The following AGPS variants were observed in gnomAD, a reference collection of about 807,000 sequenced individuals.
AGPS encodes the protein alkyldihydroxyacetonephosphate synthase, peroxisomal.
A neutral mutation model predicts 90.7 loss-of-function variants in AGPS; 26 were observed. That is an observed-to-expected ratio of 0.29 (90% CI 0.21 to 0.40). The LOEUF is 0.40. AGPS is among the 10% of genes least tolerant of loss of function. The pLI is 1.00. For missense variants in AGPS, 540 were observed against 816.1 expected (o/e 0.66, Z 4.12); for synonymous variants, 294 against 285.3 (o/e 1.03, Z -0.31).
intron 8 of AGPS, among the ~76,000 whole-genome samples, chr2:177,455,388 C>G (rs1207457401): frequency 1.3e-5 from 2 of 152,190 alleles, no homozygotes; most frequent in Non-Finnish European, 2.9e-5. Context: ...CAGTGCTCAT[C>G]ACCTGTGTTT....
chr2:177,423,094 T>C lies in AGPS; in HGVS notation c.350+2736T>C, dbSNP rs1234502082. On this transcript the variant is annotated intron_variant, in intron 2 of 19. Transcript: ENST00000264167. ...TCTATTATACTGTGCTTCTGAGTTA[T>C]TTCTGTAGATAACTAAACTCATCCA... Among the ~76,000 whole-genome samples, 2 of 73,816 alleles carry C rather than the reference T, an allele frequency of 2.7e-5. 1 individual carries two copies. Among genetic ancestry groups the C allele is most frequent in the African/African-American group, 7.7e-5 (2 of 26,132 alleles). 48.4% of individuals were successfully genotyped at this position (73,816 alleles called of 152,430 possible).
intron 1 of AGPS, chr2:177,393,494 A>C: frequency 1.0e-6 from 1 of 985,362 alleles, no homozygotes; most frequent in African/African-American, 1.7e-5. Flanking sequence ...TGTGGGGGAA[A>C]CTGGTGGTGC....
At chr2:177,484,804 C>T (rs1214425851) in intron 11 of AGPS, among the ~76,000 whole-genome samples, 1 of 152,168 alleles carries the variant, frequency 6.6e-6, no homozygotes, top group African/African-American at 2.4e-5. Flanking sequence ...ACTTTCTCAT[C>T]CAGGCTGGAG....
chr2:177,488,757 A>G (rs1688167465), intron 11 of AGPS, among the ~76,000 whole-genome samples: 1 of 152,198 alleles, frequency 6.6e-6, no homozygotes, highest in Non-Finnish European at 1.5e-5. Flanking sequence ...GGGCTGTTCC[A>G]GAGTCTACAT....
intron 8 of AGPS, among the ~76,000 whole-genome samples, chr2:177,460,585 CTT>C (rs1274461452): frequency 6.6e-6 from 1 of 152,046 alleles, no homozygotes; most frequent in Non-Finnish European, 1.5e-5. Context: ...CCATGAATGT[CTT>C]TTTTTCTTTT....
intron 12 of AGPS, among the ~76,000 whole-genome samples, chr2:177,495,933 A>C (rs1443830067): frequency 1.3e-5 from 2 of 151,468 alleles, no homozygotes; most frequent in South Asian, 2.1e-4. Context: ...AAAAAAAAAA[A>C]AAAAACAAAC....
chr2:177,488,157 T>G (rs1299545644), intron 11 of AGPS, among the ~76,000 whole-genome samples: 1 of 152,148 alleles, frequency 6.6e-6, no homozygotes, highest in African/African-American at 2.4e-5. Context: ...CATTTTAAGT[T>G]TTTATGTCCA....
chr2:177,491,400 A>G (rs1688254770), intron 11 of AGPS, among the ~76,000 whole-genome samples: 1 of 148,666 alleles, frequency 6.7e-6, no homozygotes. Flanking sequence ...CTGGGACTAC[A>G]GGTGTGTGCC....
chr2:177,539,523 C>T lies in AGPS; in HGVS notation c.*1328C>T, dbSNP rs1207149427. The T allele has an allele frequency of 6.6e-6, 1 of 151,896 alleles. No homozygotes were observed. The highest frequency in any genetic ancestry group is 1.9e-4 in the East Asian group (1 of 5,190). 9.4% of individuals were successfully genotyped at this position (151,896 alleles called of 1,614,324 possible). A position where few individuals can be genotyped will look rare whatever the true frequency, so the allele number is the denominator to read the frequency against. On this transcript the variant is annotated 3_prime_UTR_variant, in exon 20 of 20. Coordinates refer to ENST00000264167, the MANE Select transcript of AGPS (RefSeq NM_003659.4). ...CCTAACTTTTGATAATTTTTTAAAA[C>T]TAATATTTGATCAGATAATGTAAGT...
intron 2 of AGPS, among the ~76,000 whole-genome samples, chr2:177,423,728 G>A (rs1474302222): frequency 6.6e-5 from 10 of 152,168 alleles, no homozygotes; most frequent in African/African-American, 2.4e-4. Flanking sequence ...ATTATTAGAA[G>A]CTATTATAGA....
intron 2 of AGPS, among the ~76,000 whole-genome samples, chr2:177,422,909 C>CAGCCAAACAGTGGCTGAACAGTA (rs372544357): frequency 1.3e-5 from 1 of 77,238 alleles, no homozygotes; most frequent in African/African-American, 3.6e-5. Flanking sequence ...TATTGAGTAT[C>CAGCCAAACAGTGGCTGAACAGTA]TACTGAGTTA....
chr2:177,522,724 G>A (rs1689235275), intron 18 of AGPS, among the ~76,000 whole-genome samples: 1 of 152,160 alleles, frequency 6.6e-6, no homozygotes, highest in Non-Finnish European at 1.5e-5. Flanking sequence ...AAAGTGCTGG[G>A]ATTACAAGCG....
In AGPS at chr2:177,474,015, TA is replaced by T. The variant is rs562267331; in HGVS notation, c.1105+5492del. ...AATTTAAGTCATGATGCCTTCTTAC[TA>T]GTACCTTAGAATTTTGATGTAGAAT... On this transcript the variant is annotated intron_variant, in intron 10 of 19. Transcript: ENST00000264167. 2.3e-3 allele frequency among the ~76,000 whole-genome samples: 358 copies of T among 152,374 alleles called. 2 individuals are homozygous for T. The highest frequency in any genetic ancestry group is 7.6e-3 in the African/African-American group (318 of 41,590).
intron 8 of AGPS, among the ~76,000 whole-genome samples, chr2:177,454,198 G>A (rs1206264785): frequency 1.3e-5 from 2 of 151,140 alleles, no homozygotes; most frequent in South Asian, 4.2e-4. Flanking sequence ...TGACCTTTAG[G>A]GACTCTATTT....
chr2:177,505,850 A>G (rs562050456), intron 15 of AGPS, among the ~76,000 whole-genome samples: 2 of 152,026 alleles, frequency 1.3e-5, no homozygotes, highest in East Asian at 1.9e-4. Flanking sequence ...TGAGCATACC[A>G]TTCATAACAT....
chr2:177,478,863 A>C (rs1295059068), intron 10 of AGPS, among the ~76,000 whole-genome samples: 1 of 151,658 alleles, frequency 6.6e-6, no homozygotes, highest in Admixed American at 6.6e-5. Context: ...CAGGCAAACT[A>C]GATGGCCTAC....
At chr2:177,458,520 C>T (rs562111607) in intron 8 of AGPS, among the ~76,000 whole-genome samples, 1 of 152,244 alleles carries the variant, frequency 6.6e-6, no homozygotes, top group African/African-American at 2.4e-5. Context: ...AAATCACAAG[C>T]ATTCCTATAC....
intron 1 of AGPS, among the ~76,000 whole-genome samples, chr2:177,419,807 A>G (rs967992414): frequency 1.3e-5 from 2 of 151,820 alleles, no homozygotes; most frequent in African/African-American, 4.8e-5. Flanking sequence ...TATTGTGTCT[A>G]CTACTAGTCA....
chr2:177,478,557 A>G (rs1222555075), intron 10 of AGPS, among the ~76,000 whole-genome samples: 1 of 152,072 alleles, frequency 6.6e-6, no homozygotes, highest in Non-Finnish European at 1.5e-5. Flanking sequence ...TTCATGTTGC[A>G]TAATCTCTAT....
Sources: allele counts gnomAD v4.1 joint callset (sites outside exome capture counted in the v4.1 genomes callset), GRCh38; gene constraint gnomAD v4.1.1; transcripts MANE v1.5; gene names NCBI Gene and HGNC (gene_info 2026-07-23, HGNC 2026-07-21).